DCDC1: variants seen among roughly 807,000 people sequenced by gnomAD.
DCDC1 encodes doublecortin domain containing 1, also known as doublecortin domain-containing protein 1.
A neutral mutation model predicts 178.3 loss-of-function variants in DCDC1; 200 were observed. That is an observed-to-expected ratio of 1.12 (90% CI 1.00 to 1.26). The LOEUF is 1.26. DCDC1 is among the 50% of genes most tolerant of loss of function. The probability of loss-of-function intolerance (pLI) is 0.00; values close to 1 mark genes in which losing one functional copy is unlikely to be tolerated. For synonymous variants in DCDC1, 690 were observed against 604.8 expected, an observed-to-expected ratio of 1.14 and a Z score of -2.07; for missense variants, 1,983 against 1,749.2, an observed-to-expected ratio of 1.13 and a Z score of -2.38.
At chr11:31,116,905 A>C (rs1276278837) in intron 11 of DCDC1, among the ~76,000 whole-genome samples, 2 of 152,108 alleles carry the variant, frequency 1.3e-5, no homozygotes, top group Admixed American at 1.3e-4. Flanking sequence ...AGGCATACCA[A>C]AGAAGATAAC....
chr11:30,911,662 C>T (rs540915318), intron 27 of DCDC1, among the ~76,000 whole-genome samples: 1 of 152,280 alleles, frequency 6.6e-6, no homozygotes, highest in South Asian at 2.1e-4. Flanking sequence ...AGGGGGTCAG[C>T]AGTTGGGAGT....
At chr11:30,914,286 G>A (rs930832423) in intron 27 of DCDC1, among the ~76,000 whole-genome samples, 1 of 152,216 alleles carries the variant, frequency 6.6e-6, no homozygotes, top group Admixed American at 6.5e-5. Context: ...TCTCCTTGCC[G>A]GAGGCTTTGC....
At chr11:31,001,446 C>T (rs1003915886) in intron 20 of DCDC1, among the ~76,000 whole-genome samples, 1 of 152,126 alleles carries the variant, frequency 6.6e-6, no homozygotes, top group African/African-American at 2.4e-5. Flanking sequence ...ATTACTCTTT[C>T]ACAGGACAAA....
chr11:31,279,333 C>A (rs183738030), intron 7 of DCDC1, among the ~76,000 whole-genome samples: 19 of 152,068 alleles, frequency 1.2e-4, no homozygotes, highest in Non-Finnish European at 2.6e-4. Context: ...CACAGCAGTT[C>A]TACAGTTTTA....
intron 2 of DCDC1, among the ~76,000 whole-genome samples, chr11:31,329,935 A>T (rs905425718): frequency 2.6e-4 from 40 of 152,348 alleles, no homozygotes; most frequent in Admixed American, 2.3e-3. Flanking sequence ...TGGCTGGGTC[A>T]AATGGTATTT....
At chr11:31,125,400 AT>A (rs368520257) in intron 11 of DCDC1, among the ~76,000 whole-genome samples, 19 of 152,326 alleles carry the variant, frequency 1.2e-4, no homozygotes, top group African/African-American at 3.6e-4. Flanking sequence ...TGGAAGTACC[AT>A]TTGATCCAGC....
intron 23 of DCDC1, among the ~76,000 whole-genome samples, chr11:30,923,617 A>ATT (rs1491179493): frequency 6.8e-5 from 10 of 146,538 alleles, no homozygotes; most frequent in East Asian, 4.0e-4. Context: ...TAATAATAAT[A>ATT]ATAATTATTA....
At chr11:31,106,487 G>A (rs1471604690) in intron 13 of DCDC1, among the ~76,000 whole-genome samples, 7 of 152,194 alleles carry the variant, frequency 4.6e-5, no homozygotes, top group Non-Finnish European at 8.8e-5. Context: ...TGGGCCCCCC[G>A]TGGCGTTTCC....
intron 15 of DCDC1, among the ~76,000 whole-genome samples, chr11:31,099,721 G>GA (rs1247267905): frequency 1.5e-5 from 2 of 136,202 alleles, no homozygotes; most frequent in Non-Finnish European, 3.2e-5. Flanking sequence ...TTTGTTTGTT[G>GA]TTTTTTTTTT....
intron 21 of DCDC1, among the ~76,000 whole-genome samples, chr11:30,946,709 T>C (rs181687576): frequency 3.8e-4 from 58 of 152,290 alleles, no homozygotes; most frequent in African/African-American, 1.4e-3. Flanking sequence ...ATTAGACAAG[T>C]TGATTGACTC....
intron 20 of DCDC1, among the ~76,000 whole-genome samples, chr11:31,011,205 CAA>C (rs1168467518): frequency 2.1e-4 from 32 of 152,174 alleles, no homozygotes; most frequent in African/African-American, 7.7e-4. Context: ...AACACACACA[CAA>C]AAGTCTATTC....
chr11:30,929,366 G>C (rs1946785677), intron 22 of DCDC1, among the ~76,000 whole-genome samples: 1 of 152,116 alleles, frequency 6.6e-6, no homozygotes, highest in Admixed American at 6.6e-5. Flanking sequence ...CCCAGGGCTG[G>C]AGTAGTGGAA....
intron 20 of DCDC1, among the ~76,000 whole-genome samples, chr11:30,952,980 A>C (rs1040056787): frequency 6.6e-6 from 1 of 152,040 alleles, no homozygotes; most frequent in African/African-American, 2.4e-5. Context: ...GCAAAGTACC[A>C]GATAAATTTT....
At chr11:31,083,230 C>T (rs1164873265) in intron 17 of DCDC1, among the ~76,000 whole-genome samples, 3 of 152,104 alleles carry the variant, frequency 2.0e-5, no homozygotes, top group East Asian at 1.9e-4. Flanking sequence ...ATATGAAAGA[C>T]GGTAAAGATT....
Position 31,338,986 on chromosome 11 carries a change from A to G in DCDC1, c.-124-3422T>C, listed in dbSNP as rs147915404. Among the ~76,000 whole-genome samples, 3 of 152,274 alleles carry G rather than the reference A, an allele frequency of 2.0e-5. No homozygotes were observed. The East Asian group carries it at 5.8e-4, about 29-fold the overall frequency. ...TCTTTTTCTTACCCATCCTCAATGT[A>G]AACTTTTCTTAACATCTTGTACATG... On this transcript the variant is annotated intron_variant, in intron 1 of 38. Coordinates refer to ENST00000684477, the MANE Select transcript of DCDC1 (RefSeq NM_001387274.1).
intron 36 of DCDC1, among the ~76,000 whole-genome samples, chr11:30,891,128 T>C (rs550454307): frequency 6.6e-6 from 1 of 152,296 alleles, no homozygotes; most frequent in East Asian, 1.9e-4. Context: ...TAAAACTCTG[T>C]CAATTTGACA....
chr11:31,011,119 C>G (rs1211909634), intron 20 of DCDC1, among the ~76,000 whole-genome samples: 2 of 151,746 alleles, frequency 1.3e-5, no homozygotes, highest in Non-Finnish European at 2.9e-5. Context: ...ATTCAACATG[C>G]AAAAAAACTC....
At chr11:31,324,901 C>T (rs891254528) in intron 3 of DCDC1, among the ~76,000 whole-genome samples, 1 of 151,700 alleles carries the variant, frequency 6.6e-6, no homozygotes, top group Non-Finnish European at 1.5e-5. Flanking sequence ...TAATGTACAA[C>T]AAAAAAATGG....
chr11:31,176,608 C>G lies in DCDC1; in HGVS notation c.1222-38824G>C, dbSNP rs548852469. On this transcript the variant is annotated intron_variant, in intron 9 of 38. Coordinates refer to ENST00000684477, the MANE Select transcript of DCDC1 (RefSeq NM_001387274.1). ...TCTGCCAGGCACATTATAATTAAAT[C>G]ATCAAACATCAAAGACAAGGAGAGA... 4.6e-5 allele frequency among the ~76,000 whole-genome samples: 7 copies of G among 152,216 alleles called. No homozygotes were observed. In the South Asian group the frequency reaches 1.5e-3, roughly 32 times the overall value.
Sources: allele counts gnomAD v4.1 joint callset (sites outside exome capture counted in the v4.1 genomes callset), GRCh38; gene constraint gnomAD v4.1.1; transcripts MANE v1.5; gene names NCBI Gene and HGNC (gene_info 2026-07-23, HGNC 2026-07-21).